FBXL5: variants seen among roughly 807,000 people sequenced by gnomAD.
FBXL5 encodes the protein F-box and leucine rich repeat protein 5.
A neutral mutation model predicts 78.3 loss-of-function variants in FBXL5; 26 were observed. The ratio of observed to expected loss-of-function variants is 0.33; its 90% CI spans 0.24 to 0.46. FBXL5 has a LOEUF of 0.46. Among genes scored for constraint, FBXL5 ranks in the 20% least tolerant of loss-of-function variants. FBXL5 has a pLI of 1.00. For synonymous variants in FBXL5, 295 were observed against 282.5 expected (o/e 1.04, Z -0.45); for missense variants, 710 against 829.2 (o/e 0.86, Z 1.77).
At chr4:15,625,148 G>A (rs1473859931) in intron 9 of FBXL5, 104 bp downstream of exon 9, 1 of 1,313,448 alleles carries the variant, frequency 7.6e-7, no homozygotes, top group Admixed American at 2.4e-5. Flanking sequence ...AATCCTTTTT[G>A]CTAAGTAAAT....
At chr4:15,661,556 C>T (rs1031485280), upstream of FBXL5, among the ~76,000 whole-genome samples, 3 of 152,150 alleles carry the variant, frequency 2.0e-5, no homozygotes, top group Non-Finnish European at 4.4e-5. Context: ...TACAAATTAA[C>T]TGGAGAAGGG....
In FBXL5 at chr4:15,644,647, G is replaced by T; in HGVS notation, c.146C>A (p.Ala49Asp). Residue 49 changes from alanine to aspartate, a missense_variant, in exon 2 of 11, where the codon GCT becomes GAT. Physicochemically the swap from Ala to Asp is moderately radical, Grantham distance 126. Coordinates refer to ENST00000341285, the MANE Select transcript of FBXL5 (RefSeq NM_012161.4). ...DFRALLQSLY[A>D]TFKEFKMHEQ... ...ATGCATTTTGAACTCCTTGAAAGTA[G>T]CATACAAAGACTGCAGAAGAGCACG... 6.2e-7 allele frequency: 1 copy of T among 1,614,052 alleles called. No homozygotes were observed. The highest frequency in any genetic ancestry group is 8.5e-7 in the Non-Finnish European group (1 of 1,179,988).
At chr4:15,606,176 C>T (rs1465359959) in intron 10 of FBXL5, among the ~76,000 whole-genome samples, 2 of 151,904 alleles carry the variant, frequency 1.3e-5, no homozygotes, top group South Asian at 2.1e-4. Context: ...AAAAAACAGC[C>T]CTAACTATAA....
intron 2 of FBXL5, among the ~76,000 whole-genome samples, chr4:15,643,659 G>A (rs1042520061): frequency 2.6e-5 from 4 of 152,076 alleles, no homozygotes; most frequent in East Asian, 1.9e-4. Flanking sequence ...CACTAGCCTC[G>A]GCCTCCCAGA....
In FBXL5 at chr4:15,636,606, G is replaced by A. The variant is rs760247772; in HGVS notation, c.654C>T (p.Ser218=). ...GACATAACTCTTGAGGATTAAGATA[G>A]CTGAAAATTGACAGCATTACCTCAG... ...LPPEVMLSIF[S]YLNPQELCRC... The change falls in exon 5 of 11, where the codon AGC becomes AGT. Residue 218 remains serine, a synonymous_variant. Transcript: ENST00000341285. 8.7e-6 allele frequency: 14 copies of A among 1,613,948 alleles called. No individual in the cohort carries two copies. The South Asian group carries it at 1.5e-4, about 18-fold the overall frequency.
intron 1 of FBXL5, among the ~76,000 whole-genome samples, chr4:15,645,645 T>C (rs1577471972): frequency 6.6e-6 from 1 of 152,098 alleles, no homozygotes; most frequent in Non-Finnish European, 1.5e-5. Context: ...GCCAGGCTGG[T>C]CTTGAACTCC....
At chr4:15,617,831 G>C (rs998329725) in intron 9 of FBXL5, among the ~76,000 whole-genome samples, 5 of 152,186 alleles carry the variant, frequency 3.3e-5, no homozygotes, top group African/African-American at 1.2e-4. Context: ...GGAGTAAGGA[G>C]AGGATCAGGA....
Position 15,625,783 on chromosome 4 carries a change from G to A in FBXL5, c.1319C>T (p.Ser440Phe). The A allele has an allele frequency of 6.2e-7, 1 of 1,614,134 alleles. No homozygotes were observed. Among genetic ancestry groups the A allele is most frequent in the East Asian group, 2.2e-5 (1 of 44,876 alleles). Reference sequence around the variant, plus strand: ...GTGCAAACAGGCATACTGCTTGGTGGACTGCATGGTAATGTCTTTATTTTT... The same window carrying A: ...GTGCAAACAGGCATACTGCTTGGTGAACTGCATGGTAATGTCTTTATTTTT... ...AWKNKDITMQ[S>F]TKQYACLHDL... The change falls in exon 9 of 11, where the codon TCC (serine) becomes TTC (phenylalanine). Residue 440 changes from serine (S) to phenylalanine (F), a missense_variant. By Grantham distance (155) the Ser-to-Phe change is radical (BLOSUM62 -2). Coordinates refer to ENST00000341285, the MANE Select transcript of FBXL5 (RefSeq NM_012161.4).
At chr4:15,662,458 C>G (rs866638647), upstream of FBXL5, among the ~76,000 whole-genome samples, 28 of 152,142 alleles carry the variant, frequency 1.8e-4, no homozygotes, top group African/African-American at 6.3e-4. Context: ...TAGGCTTTCA[C>G]AGTACCTGGC....
In FBXL5 at chr4:15,627,900, T is replaced by C; in HGVS notation, c.1026A>G (p.Ala342=). The C allele has an allele frequency of 6.2e-7, 1 of 1,611,740 alleles. No homozygotes were observed. The highest frequency in any genetic ancestry group is 2.2e-5 in the East Asian group (1 of 44,804). The part of the protein sequence containing the change: ...VKTLVLAYSS[A]VSSKMVRQIL... ...TTAAACATACCATTTTGCTGGAAAC[T>C]GCAGAGCTGTATGCTAATACTAAGG... Residue 342 remains alanine (A), a synonymous_variant, in exon 7 of 11, where the codon GCA becomes GCG. Coordinates refer to ENST00000341285, the MANE Select transcript of FBXL5 (RefSeq NM_012161.4).
chr4:15,605,503 T>C lies in FBXL5; in HGVS notation c.*220A>G. The C allele has an allele frequency of 2.0e-6, 1 of 491,162 alleles. No individual in the cohort carries two copies. Among genetic ancestry groups the C allele is most frequent in the Non-Finnish European group, 3.7e-6 (1 of 270,280 alleles). 30.4% of individuals were successfully genotyped at this position (491,162 alleles called of 1,614,324 possible). On this transcript the variant is annotated 3_prime_UTR_variant, in exon 11 of 11. Coordinates refer to ENST00000341285, the MANE Select transcript of FBXL5 (RefSeq NM_012161.4). Reference sequence around the variant, plus strand: ...AAAATGTAAGACTGTTCTCACCCTTTTGAAAAGACCTAATCCCTTTCTAAA... The same window carrying C: ...AAAATGTAAGACTGTTCTCACCCTTCTGAAAAGACCTAATCCCTTTCTAAA...
chr4:15,607,937 C>T (rs1010292085), intron 10 of FBXL5, among the ~76,000 whole-genome samples: 2 of 152,130 alleles, frequency 1.3e-5, no homozygotes, highest in African/African-American at 4.8e-5. Flanking sequence ...AATGTCTATA[C>T]CATTAAGTCC....
At chr4:15,642,267 G>GC in intron 2 of FBXL5, among the ~76,000 whole-genome samples, 1 of 146,940 alleles carries the variant, frequency 6.8e-6, no homozygotes, top group Admixed American at 6.8e-5. Flanking sequence ...TTTAAGACAA[G>GC]CCTTGCTCTG....
chr4:15,605,895 CT>C, intron 10 of FBXL5, 96 bp from the exon 11 acceptor site: 1 of 841,228 alleles, frequency 1.2e-6, no homozygotes. Context: ...ATTGGTTTTA[CT>C]AGCAGTACTT....
In FBXL5 at chr4:15,652,315, G is replaced by A. The variant is rs529944368; in HGVS notation, c.84+2889C>T. Among the ~76,000 whole-genome samples the A allele has an allele frequency of 2.6e-5, 4 of 152,250 alleles. No homozygotes were observed. In the South Asian group the frequency reaches 6.2e-4, roughly 24 times the overall value. On this transcript the variant is annotated intron_variant, in intron 1 of 10. Transcript: ENST00000341285. Reference sequence around the variant, plus strand: ...TTTAATATAAAGAAAATTAAACTAGGAATCCTAACAATGACTTGGGTTTCC... The same window carrying A: ...TTTAATATAAAGAAAATTAAACTAGAAATCCTAACAATGACTTGGGTTTCC...
chr4:15,626,080 A>C, intron 8 of FBXL5, 103 bp from the exon 9 acceptor site: 1 of 1,024,038 alleles, frequency 9.8e-7, no homozygotes, highest in Non-Finnish European at 1.4e-6. Flanking sequence ...TTGACATCTA[A>C]TATAATCACT....
At chr4:15,617,972 G>C (rs934128295) in intron 9 of FBXL5, among the ~76,000 whole-genome samples, 2 of 151,994 alleles carry the variant, frequency 1.3e-5, no homozygotes, top group South Asian at 2.1e-4. Flanking sequence ...TTAAAAGTTG[G>C]AAGTTAAAAG....
At position 15,625,328 on chromosome 4, in the gene FBXL5, A is replaced by C; in HGVS notation, c.1774T>G (p.Ser592Ala). 6.2e-7 allele frequency: 1 copy of C among 1,614,158 alleles called. No homozygotes were observed. The highest frequency in any genetic ancestry group is 1.1e-5 in the South Asian group (1 of 91,070). ...AGTACACGTCCAGTCTCTTGATCAG[A>C]TTTTTCACTCCCAAAGTAAATTAAG... is the stretch of plus-strand genomic sequence containing the variant. ...KDLIYFGSEK[S>A]DQETGRVLLF... The change falls in exon 9 of 11, where the codon TCT (serine) becomes GCT (alanine). Residue 592 changes from serine to alanine, a missense_variant. Transcript: ENST00000341285.
At chr4:15,653,246 T>C (rs1716354967) in intron 1 of FBXL5, among the ~76,000 whole-genome samples, 3 of 152,208 alleles carry the variant, frequency 2.0e-5, no homozygotes, top group South Asian at 4.1e-4. Context: ...CCATGTCAAA[T>C]TGAAAATGCT....
Sources: allele counts gnomAD v4.1 joint callset (sites outside exome capture counted in the v4.1 genomes callset), GRCh38; gene constraint gnomAD v4.1.1; transcripts MANE v1.5; gene names NCBI Gene and HGNC (gene_info 2026-07-23, HGNC 2026-07-21).